MYO3B: variants seen among roughly 807,000 people sequenced by gnomAD.
The protein encoded by MYO3B is myosin IIIB.
In MYO3B, 156 loss-of-function variants were observed where a neutral mutation model predicts 174.6. That is an observed-to-expected ratio of 0.89 (90% confidence interval 0.78 to 1.02). The LOEUF (loss-of-function observed/expected upper bound fraction) is 1.02. Among genes scored for constraint, MYO3B ranks in the 50% least tolerant of loss-of-function variants. The pLI is 0.00. For missense variants in MYO3B, 1,632 were observed against 1,639.4 expected (o/e 1.00, Z 0.08); for synonymous variants, 563 against 569.1 (o/e 0.99, Z 0.15).
At chr2:170,378,655 A>T (rs574698869) in intron 9 of MYO3B, among the ~76,000 whole-genome samples, 1 of 152,346 alleles carries the variant, frequency 6.6e-6, no homozygotes, top group South Asian at 2.1e-4. Flanking sequence ...GGCTCAGAAG[A>T]TACCAATGTT....
chr2:170,651,821 G>A (rs1699028615), intron 33 of MYO3B, 87 bp downstream of exon 33: 1 of 1,087,462 alleles, frequency 9.2e-7, no homozygotes, highest in African/African-American at 1.6e-5. Context: ...AGCCCCTGCA[G>A]CCCCACCCCC....
intron 32 of MYO3B, among the ~76,000 whole-genome samples, chr2:170,607,559 G>A (rs578257020): frequency 6.6e-6 from 1 of 152,370 alleles, no homozygotes; most frequent in Non-Finnish European, 1.5e-5. Flanking sequence ...GAATTCAGCA[G>A]TGTAGAGAAG....
intron 18 of MYO3B, 35 bp from the exon 19 acceptor site, chr2:170,402,813 T>A: frequency 6.4e-7 from 1 of 1,555,568 alleles, no homozygotes; most frequent in Non-Finnish European, 8.8e-7. Flanking sequence ...GGGTGTTTCC[T>A]CCCCTAAAGA....
At chr2:170,559,833 C>G (rs2106249195) in intron 32 of MYO3B, among the ~76,000 whole-genome samples, 1 of 152,202 alleles carries the variant, frequency 6.6e-6, no homozygotes, top group African/African-American at 2.4e-5. Flanking sequence ...TCCCCTCTTT[C>G]CAGTGTTTTG....
chr2:170,228,665 T>G (rs2092979587), intron 6 of MYO3B, among the ~76,000 whole-genome samples: 1 of 152,098 alleles, frequency 6.6e-6, no homozygotes, highest in South Asian at 2.1e-4. Context: ...CTAGCTATGG[T>G]GGGAAGCTGG....
intron 22 of MYO3B, among the ~76,000 whole-genome samples, chr2:170,414,026 C>T (rs904752509): frequency 5.9e-5 from 9 of 151,968 alleles, no homozygotes; most frequent in Middle Eastern, 3.4e-3. Context: ...GGTGACAGAG[C>T]GAGACTCCAT....
In MYO3B at chr2:170,462,181, G is replaced by A. The variant is rs150058196; in HGVS notation, c.2731-1187G>A. Among the ~76,000 whole-genome samples the A allele has an allele frequency of 1.0e-3, 157 of 152,250 alleles. 1 individual carries two copies. Among genetic ancestry groups the A allele is most frequent in the African/African-American group, 3.7e-3 (152 of 41,524 alleles). On this transcript the variant is annotated intron_variant, in intron 23 of 34. Coordinates refer to ENST00000408978, the MANE Select transcript of MYO3B (RefSeq NM_138995.5). ...AAACATCAAAATGTCAAACCTACAG[G>A]CAGTTATATCATTGTTTCAGCTGCA...
chr2:170,508,666 G>T (rs543161187), intron 28 of MYO3B, among the ~76,000 whole-genome samples: 1 of 152,284 alleles, frequency 6.6e-6, no homozygotes, highest in Admixed American at 6.5e-5. Flanking sequence ...CCCTGCCATT[G>T]GTTTCCATCT....
chr2:170,494,557 G>A (rs748427383), intron 25 of MYO3B, among the ~76,000 whole-genome samples: 4 of 151,580 alleles, frequency 2.6e-5, no homozygotes, highest in Non-Finnish European at 4.4e-5. Context: ...GTGAAACCCC[G>A]TCTCCACTAA....
intron 6 of MYO3B, among the ~76,000 whole-genome samples, chr2:170,231,586 C>G (rs1333443951): frequency 1.3e-5 from 2 of 152,238 alleles, no homozygotes; most frequent in Non-Finnish European, 2.9e-5. Context: ...AAGGTAGGAA[C>G]CTGGACATGC....
At chr2:170,250,206 A>G (rs2093236287) in intron 7 of MYO3B, among the ~76,000 whole-genome samples, 1 of 152,216 alleles carries the variant, frequency 6.6e-6, no homozygotes, top group African/African-American at 2.4e-5. Context: ...CTACAATTCA[A>G]CTACAAAATA....
intron 16 of MYO3B, among the ~76,000 whole-genome samples, chr2:170,395,387 T>C (rs1023114911): frequency 5.9e-5 from 9 of 152,208 alleles, no homozygotes; most frequent in African/African-American, 2.2e-4. Flanking sequence ...TGAAAACTTT[T>C]TGGGCAGATG....
chr2:170,448,275 G>T (rs1023192545), intron 23 of MYO3B, among the ~76,000 whole-genome samples: 1 of 152,210 alleles, frequency 6.6e-6, no homozygotes, highest in East Asian at 1.9e-4. Flanking sequence ...ACAGCTTGGA[G>T]GTTAGAAGGA....
At chr2:170,199,511 G>A (rs2092638385) in intron 2 of MYO3B, 120 bp downstream of exon 2, 1 of 767,642 alleles carries the variant, frequency 1.3e-6, no homozygotes, top group Non-Finnish European at 2.0e-6. Context: ...CTCAAAATGG[G>A]TCATGATTTG....
At chr2:170,259,187 A>T (rs1011483659) in intron 7 of MYO3B, among the ~76,000 whole-genome samples, 3 of 152,146 alleles carry the variant, frequency 2.0e-5, no homozygotes, top group Non-Finnish European at 2.9e-5. Flanking sequence ...TACCGATGTC[A>T]TTTTTCATAG....
chr2:170,487,394 T>C (rs1184661144), intron 25 of MYO3B, among the ~76,000 whole-genome samples: 1 of 152,244 alleles, frequency 6.6e-6, no homozygotes, highest in Non-Finnish European at 1.5e-5. Flanking sequence ...AGGGAAATTG[T>C]GTGCTTTGCT....
rs371047017 is a variant in MYO3B, at chr2:170,504,185, CACA to C, written c.3370+2323_3370+2325del. 2.2e-4 allele frequency among the ~76,000 whole-genome samples: 33 copies of C among 152,312 alleles called. No homozygotes were observed. The East Asian group carries it at 6.4e-3, about 29-fold the overall frequency. On this transcript the variant is annotated intron_variant, in intron 28 of 34. Transcript: ENST00000408978. Reference sequence around the variant, plus strand: ...AAGTGGCTTAGGGATGTTGTCACAGCACAACCATTTCCGGTTGTTTTCTAAGGT... The same window carrying C: ...AAGTGGCTTAGGGATGTTGTCACAGCACCATTTCCGGTTGTTTTCTAAGGT...
At chr2:170,427,816 A>C (rs1201318602) in intron 22 of MYO3B, among the ~76,000 whole-genome samples, 2 of 152,192 alleles carry the variant, frequency 1.3e-5, no homozygotes, top group Non-Finnish European at 2.9e-5. Context: ...AGACTTGGAT[A>C]CCTATATATC....
At chr2:170,399,851 TG>T (rs1490597936) in intron 16 of MYO3B, among the ~76,000 whole-genome samples, 1 of 152,226 alleles carries the variant, frequency 6.6e-6, no homozygotes, top group Non-Finnish European at 1.5e-5. Flanking sequence ...ACTCCGTTTA[TG>T]CAATTGTTGG....
Sources: allele counts gnomAD v4.1 joint callset (sites outside exome capture counted in the v4.1 genomes callset), GRCh38; gene constraint gnomAD v4.1.1; transcripts MANE v1.5; gene names NCBI Gene and HGNC (gene_info 2026-07-23, HGNC 2026-07-21).